The following CAMK1D variants were observed in gnomAD, a reference collection of about 807,000 sequenced individuals.
CAMK1D encodes the protein calcium/calmodulin dependent protein kinase ID.
Under a neutral mutation model 47.7 loss-of-function variants are expected in CAMK1D, and 9 were observed. The observed-to-expected ratio is 0.19, with a 90% confidence interval of 0.11 to 0.33. CAMK1D has a LOEUF of 0.33. Among genes scored for constraint, CAMK1D ranks in the 10% least tolerant of loss-of-function variants. CAMK1D has a pLI of 1.00. For synonymous variants in CAMK1D, 184 were observed against 184.9 expected, an observed-to-expected ratio of 0.99 and a Z score of 0.04; for missense variants, 291 against 488.7, an observed-to-expected ratio of 0.60 and a Z score of 3.81.
chr10:12,557,587 CTT>C (rs1163144496), intron 2 of CAMK1D, among the ~76,000 whole-genome samples: 23 of 150,524 alleles, frequency 1.5e-4, no homozygotes, highest in Admixed American at 8.6e-4. Context: ...AGAAAAAAGT[CTT>C]TTGATGATTT....
chr10:12,580,233 G>A (rs1012732565), intron 2 of CAMK1D, among the ~76,000 whole-genome samples: 1 of 151,800 alleles, frequency 6.6e-6, no homozygotes, highest in African/African-American at 2.4e-5. Flanking sequence ...CGATTTGCTC[G>A]TCAACATCAT....
chr10:12,495,798 C>T lies in CAMK1D; in HGVS notation c.93-57427C>T, dbSNP rs144082011. On this transcript the variant is annotated intron_variant, in intron 1 of 10. Coordinates refer to ENST00000619168, the MANE Select transcript of CAMK1D (RefSeq NM_153498.4). ...ACATATTCACCTACTATTGGTAAAA[C>T]TTTTTTCCTCAAATATTCCTTTATA... 2.0e-3 allele frequency among the ~76,000 whole-genome samples: 306 copies of T among 152,190 alleles called. 1 individual carries two copies. The highest frequency in any genetic ancestry group is 5.3e-3 in the African/African-American group (221 of 41,512).
At chr10:12,380,404 G>T (rs1345929820) in intron 1 of CAMK1D, among the ~76,000 whole-genome samples, 1 of 152,162 alleles carries the variant, frequency 6.6e-6, no homozygotes, top group Non-Finnish European at 1.5e-5. Flanking sequence ...CCTAGGTTTT[G>T]TAATGATTAT....
chr10:12,782,782 A>G (rs192803682), intron 5 of CAMK1D, among the ~76,000 whole-genome samples: 43 of 152,122 alleles, frequency 2.8e-4, no homozygotes, highest in African/African-American at 8.7e-4. Flanking sequence ...TTCCAAATTG[A>G]GCTCCAGTTC....
intron 3 of CAMK1D, among the ~76,000 whole-genome samples, chr10:12,716,913 C>A (rs900125634): frequency 1.3e-5 from 2 of 152,170 alleles, no homozygotes; most frequent in Non-Finnish European, 2.9e-5. Context: ...AAAGCGTGAA[C>A]TGGCAGCACC....
rs1404392882 is a variant in CAMK1D at position 12,499,212 on chromosome 10, G to T, written c.93-54013G>T. On this transcript the variant is annotated intron_variant, in intron 1 of 10. Transcript: ENST00000619168. ...TTCCTGGGCAGTTCTTTCCTATGTG[G>T]TTTTTTTCTTACCAATCTCAGTACT... is the stretch of plus-strand genomic sequence containing the variant. 2.0e-5 allele frequency among the ~76,000 whole-genome samples: 3 copies of T among 152,002 alleles called. No individual in the cohort carries two copies. The East Asian group carries it at 5.8e-4, about 29-fold the overall frequency.
intron 1 of CAMK1D, among the ~76,000 whole-genome samples, chr10:12,353,348 A>G (rs1161580124): frequency 6.6e-6 from 1 of 152,148 alleles, no homozygotes; most frequent in Non-Finnish European, 1.5e-5. Context: ...TCAGCTCACA[A>G]TGTTCACATG....
chr10:12,822,757 C>T (rs191577399), intron 8 of CAMK1D, among the ~76,000 whole-genome samples: 9 of 152,192 alleles, frequency 5.9e-5, no homozygotes, highest in Non-Finnish European at 1.3e-4. Context: ...CCCTTGGGCT[C>T]TCCGGGGAAA....
intron 8 of CAMK1D, among the ~76,000 whole-genome samples, chr10:12,823,494 C>G (rs1226483941): frequency 1.3e-5 from 2 of 151,756 alleles, no homozygotes; most frequent in African/African-American, 4.8e-5. Context: ...GAAGGGCATG[C>G]ATGAGGGAAG....
At chr10:12,621,367 C>T (rs145623005) in intron 2 of CAMK1D, among the ~76,000 whole-genome samples, 90 of 152,306 alleles carry the variant, frequency 5.9e-4, no homozygotes, top group Admixed American at 1.4e-3. Flanking sequence ...TGAGAATTGG[C>T]ATCTTTACTA....
In CAMK1D at chr10:12,760,987, G is replaced by A. The variant is rs775923458; in HGVS notation, c.339G>A (p.Lys113=). 1 of 1,614,156 alleles carries A rather than the reference G, an allele frequency of 6.2e-7. No homozygotes were observed. Among genetic ancestry groups the A allele is most frequent in the African/African-American group, 1.3e-5 (1 of 75,052 alleles). ...AGCTGTTTGACCGGATAGTGGAGAA[G>A]GGGTTTTATACAGAGAAGGATGCCA... ...GGELFDRIVE[K]GFYTEKDAST... The change falls in exon 4 of 11, where the codon AAG becomes AAA. Residue 113 remains lysine, a synonymous_variant. Transcript: ENST00000619168.
intron 3 of CAMK1D, among the ~76,000 whole-genome samples, chr10:12,694,776 A>G (rs911457949): frequency 6.6e-6 from 1 of 151,644 alleles, no homozygotes; most frequent in South Asian, 2.1e-4. Flanking sequence ...GTAAAGGCCT[A>G]CAAAGGAACA....
chr10:12,428,402 C>T (rs995230690), intron 1 of CAMK1D, among the ~76,000 whole-genome samples: 1 of 152,088 alleles, frequency 6.6e-6, no homozygotes, highest in African/African-American at 2.4e-5. Flanking sequence ...TTCTTTCTCA[C>T]CAAAATTTCT....
intron 6 of CAMK1D, among the ~76,000 whole-genome samples, chr10:12,806,090 G>A (rs1389999009): frequency 1.3e-5 from 2 of 152,216 alleles, no homozygotes; most frequent in Non-Finnish European, 2.9e-5. Context: ...TGTGCACAGC[G>A]GGAGAAGAGC....
chr10:12,716,961 G>C (rs1249883057), intron 3 of CAMK1D, among the ~76,000 whole-genome samples: 2 of 151,964 alleles, frequency 1.3e-5, no homozygotes, highest in African/African-American at 4.8e-5. Context: ...GATAAATCAG[G>C]GTATATGTAT....
Position 12,761,642 on chromosome 10 carries a change from A to G in CAMK1D, c.438+556A>G, listed in dbSNP as rs61256346. Among the ~76,000 whole-genome samples, 436 of 152,282 alleles carry G rather than the reference A, an allele frequency of 2.9e-3. 2 individuals carry two copies. In the East Asian group the frequency reaches 0.044, roughly 15 times the overall value. ...GGTGGCTCAGGCCTGTAATCCCAGC[A>G]CTTTGGGAGGCCGAGGAAGGCAGAT... On this transcript the variant is annotated intron_variant, in intron 4 of 10. Coordinates refer to ENST00000619168, the MANE Select transcript of CAMK1D (RefSeq NM_153498.4).
At chr10:12,538,456 A>G (rs946817954) in intron 1 of CAMK1D, among the ~76,000 whole-genome samples, 1 of 152,172 alleles carries the variant, frequency 6.6e-6, no homozygotes, top group African/African-American at 2.4e-5. Flanking sequence ...TGATCTGTGT[A>G]TCCAGTTTTT....
At chr10:12,627,798 A>C (rs1839265113) in intron 2 of CAMK1D, among the ~76,000 whole-genome samples, 1 of 152,198 alleles carries the variant, frequency 6.6e-6, no homozygotes, top group Non-Finnish European at 1.5e-5. Context: ...GAAAAAAACA[A>C]GGCCAGGTGC....
intron 1 of CAMK1D, among the ~76,000 whole-genome samples, chr10:12,486,559 A>G (rs1293220793): frequency 1.3e-5 from 2 of 151,182 alleles, no homozygotes; most frequent in African/African-American, 4.9e-5. Context: ...ACACGTACAG[A>G]CACTATTAGT....
Sources: gnomAD v4.1 joint callset for allele counts (sites outside exome capture counted in the v4.1 genomes callset) on GRCh38, gnomAD v4.1.1 for gene constraint, MANE v1.5 for transcripts, NCBI Gene and HGNC (gene_info 2026-07-23, HGNC 2026-07-21) for gene names.